The following POLN variants were observed in gnomAD, a reference collection of about 807,000 sequenced individuals.
POLN encodes DNA polymerase N.
A neutral mutation model predicts 113.5 loss-of-function variants in POLN; 108 were observed. The ratio of observed to expected loss-of-function variants is 0.95; its 90% CI spans 0.81 to 1.12. The LOEUF is 1.12. Among genes scored for constraint, POLN ranks in the 50% most tolerant of loss-of-function variants. The probability of loss-of-function intolerance (pLI) is 0.00; values close to 1 mark genes in which losing one functional copy is unlikely to be tolerated. For missense variants in POLN, 1,097 were observed against 1,077.1 expected (o/e 1.02, Z -0.26); for synonymous variants, 386 against 391.5 (o/e 0.99, Z 0.17).
chr4:2,178,910 C>T (rs1384194969), intron 8 of POLN, among the ~76,000 whole-genome samples: 1 of 152,168 alleles, frequency 6.6e-6, no homozygotes, highest in Non-Finnish European at 1.5e-5. Context: ...CTGCACCCAG[C>T]CCGAGACCCA....
intron 20 of POLN, among the ~76,000 whole-genome samples, chr4:2,092,811 G>A (rs950775291): frequency 2.0e-5 from 3 of 152,204 alleles, no homozygotes; most frequent in Non-Finnish European, 4.4e-5. Context: ...TTTCCAAAGC[G>A]CCCCAGCAGC....
intron 13 of POLN, among the ~76,000 whole-genome samples, chr4:2,166,443 T>G (rs1440081176): frequency 6.6e-6 from 1 of 152,204 alleles, no homozygotes; most frequent in East Asian, 1.9e-4. Context: ...GCTGGATGGT[T>G]CTTATAATAT....
chr4:2,205,738 T>C (rs1410798639), intron 5 of POLN, among the ~76,000 whole-genome samples: 1 of 151,974 alleles, frequency 6.6e-6, no homozygotes, highest in Admixed American at 6.6e-5. Context: ...CCGGGCGTGG[T>C]GGCACGCACC....
intron 7 of POLN, among the ~76,000 whole-genome samples, chr4:2,192,801 C>T (rs970123804): frequency 1.0e-4 from 15 of 150,130 alleles, no homozygotes; most frequent in African/African-American, 3.4e-4. Flanking sequence ...GACTCCATCT[C>T]TAAAAAAATA....
At chr4:2,088,608 T>A in intron 20 of POLN, 1 of 637,058 alleles carries the variant, frequency 1.6e-6, no homozygotes, top group Non-Finnish European at 2.3e-6. Context: ...CTACAACAAT[T>A]TTCATGAAAA....
chr4:2,154,159 C>G (rs1456328433), intron 16 of POLN, among the ~76,000 whole-genome samples: 1 of 121,180 alleles, frequency 8.3e-6, no homozygotes, highest in African/African-American at 3.2e-5. Context: ...GATCACGCCA[C>G]TGCACTCCAG....
rs1266925879 is a variant in POLN at position 2,075,624 on chromosome 4, G to A, written c.2388-105C>T. 7 of 1,251,162 alleles carry A rather than the reference G, an allele frequency of 5.6e-6. No homozygotes were observed. In the South Asian group the frequency reaches 7.3e-5, roughly 13 times the overall value. 77.5% of individuals were successfully genotyped at this position (1,251,162 alleles called of 1,614,324 possible). On this transcript the variant is annotated intron_variant, in intron 23 of 25. Coordinates refer to ENST00000511885, the MANE Select transcript of POLN (RefSeq NM_181808.4). ...TCAACCTGGGAGGCCAGGACTGTGA[G>A]GCGGGGGCTCAGGGGTGCATGCAGA... is the stretch of plus-strand genomic sequence containing the variant.
At chr4:2,098,013 G>C (rs1237252770) in intron 19 of POLN, among the ~76,000 whole-genome samples, 3 of 152,216 alleles carry the variant, frequency 2.0e-5, no homozygotes, top group African/African-American at 7.2e-5. Context: ...AAGTACCAAT[G>C]CATTTCCAGT....
At chr4:2,183,309 G>A (rs7666291) in intron 7 of POLN, among the ~76,000 whole-genome samples, 37,355 of 151,880 alleles carry the variant, frequency 0.25, 7,066 homozygotes, top group African/African-American at 0.51. Flanking sequence ...AGATATACAC[G>A]CAAGCAAGTT....
intron 9 of POLN, among the ~76,000 whole-genome samples, chr4:2,175,798 G>A (rs1005766877): frequency 1.3e-5 from 2 of 152,204 alleles, no homozygotes; most frequent in African/African-American, 4.8e-5. Context: ...GCAGGAGGGA[G>A]GGAAACAGGC....
rs770725448 is a variant in POLN at position 2,072,031 on chromosome 4, G to C, written c.*83C>G. On this transcript the variant is annotated 3_prime_UTR_variant, in exon 26 of 26. Coordinates refer to ENST00000511885, the MANE Select transcript of POLN (RefSeq NM_181808.4). Reference sequence around the variant, plus strand: ...AGCCCCAAAGGGTTAATGCGTCCTGGGGCGTACAGAGCTGGTGACCTTGGG... The same window carrying C: ...AGCCCCAAAGGGTTAATGCGTCCTGCGGCGTACAGAGCTGGTGACCTTGGG... 2 of 1,481,338 alleles carry C rather than the reference G, an allele frequency of 1.4e-6. No individual in the cohort carries two copies. Among genetic ancestry groups the C allele is most frequent in the South Asian group, 2.3e-5 (2 of 88,060 alleles). 91.8% of individuals were successfully genotyped at this position (1,481,338 alleles called of 1,614,324 possible).
At chr4:2,137,406 A>G (rs1731883091) in intron 16 of POLN, among the ~76,000 whole-genome samples, 1 of 152,190 alleles carries the variant, frequency 6.6e-6, no homozygotes, top group African/African-American at 2.4e-5. Flanking sequence ...AAAAACACAG[A>G]AAAGGGCAGC....
In POLN at chr4:2,081,625, T is replaced by G; in HGVS notation, c.2308+8A>C. ...GACACAGAACTACAGGTAAGAGGCT[T>G]CTGGTACCTTGCACCACGAAGTTCA... is the stretch of plus-strand genomic sequence containing the variant. On this transcript the variant is annotated splice_region_variant and intron_variant, in intron 22 of 25. Transcript: ENST00000511885. The G allele has an allele frequency of 6.2e-7, 1 of 1,613,914 alleles. No individual in the cohort carries two copies. Among genetic ancestry groups the G allele is most frequent in the South Asian group, 1.1e-5 (1 of 91,074 alleles).
chr4:2,088,994 T>A, intron 20 of POLN: 1 of 871,444 alleles, frequency 1.1e-6, no homozygotes, highest in Non-Finnish European at 1.9e-6. Flanking sequence ...CAGACAGCCT[T>A]TATTGTTTTT....
At chr4:2,163,054 C>T (rs1249179309) in intron 13 of POLN, among the ~76,000 whole-genome samples, 1 of 130,752 alleles carries the variant, frequency 7.6e-6, no homozygotes, top group East Asian at 2.2e-4. Context: ...AAAAAAAACT[C>T]CTGCCAGGAT....
At position 2,198,691 on chromosome 4, in the gene POLN, A is replaced by C. The variant is rs760422397; in HGVS notation, c.741T>G (p.Ile247Met). The C allele has an allele frequency of 3.1e-6, 5 of 1,611,542 alleles. No homozygotes were observed. In the East Asian group the frequency reaches 1.1e-4, roughly 36 times the overall value. Residue 247 changes from isoleucine to methionine, a missense_variant, in exon 6 of 26, where the codon ATT (isoleucine) becomes ATG (methionine). Physicochemically the swap from Ile to Met is conservative, Grantham distance 10. Coordinates refer to ENST00000511885, the MANE Select transcript of POLN (RefSeq NM_181808.4). ...CTGCTTGGCGTTTTACTAACACCAC[A>C]ATTCCTCTAACAGAAGAAACGGGGG... The part of the protein sequence containing the change: ...DQTPVSSVRG[I>M]VVLVKRQAEG...
chr4:2,082,116 A>G (rs1363241742), intron 21 of POLN, among the ~76,000 whole-genome samples: 1 of 151,856 alleles, frequency 6.6e-6, no homozygotes, highest in Non-Finnish European at 1.5e-5. Context: ...CACGATGCCC[A>G]GCTAATTTTT....
chr4:2,208,536 G>A (rs73798506), intron 4 of POLN, 49 bp from the exon 5 acceptor site: 1 of 1,385,740 alleles, frequency 7.2e-7, no homozygotes, highest in African/African-American at 1.5e-5. Flanking sequence ...TCATAAGACA[G>A]ATCTATAAAC....
intron 3 of POLN, among the ~76,000 whole-genome samples, chr4:2,224,515 C>T (rs1031210645): frequency 5.9e-5 from 9 of 151,952 alleles, no homozygotes; most frequent in African/African-American, 1.9e-4. Context: ...TACAATTATA[C>T]GTAGTATAGT....
Sources: gnomAD v4.1 joint callset for allele counts (sites outside exome capture counted in the v4.1 genomes callset) on GRCh38, gnomAD v4.1.1 for gene constraint, MANE v1.5 for transcripts, NCBI Gene and HGNC (gene_info 2026-07-23, HGNC 2026-07-21) for gene names.